The following RNF216 variants were observed in gnomAD, a reference collection of about 807,000 sequenced individuals.
The protein encoded by RNF216 is E3 ubiquitin-protein ligase RNF216.
Under a neutral mutation model 110.8 loss-of-function variants are expected in RNF216, and 72 were observed. The observed-to-expected ratio is 0.65, with a 90% CI of 0.54 to 0.79. The LOEUF is 0.79. RNF216 is among the 30% of genes least tolerant of loss of function. The pLI is 0.00. For missense variants in RNF216, 1,342 were observed against 1,141.2 expected (o/e 1.18, Z -2.54); for synonymous variants, 495 against 407.5 (o/e 1.21, Z -2.59).
intron 16 of RNF216, among the ~76,000 whole-genome samples, 188 bp from the exon 17 acceptor site, chr7:5,623,367 T>C (rs1173079376): frequency 6.6e-6 from 1 of 152,088 alleles, no homozygotes; most frequent in African/African-American, 2.4e-5. Context: ...ACCAGTGTCT[T>C]GCTCCACAGT....
intron 15 of RNF216, among the ~76,000 whole-genome samples, chr7:5,634,858 G>A (rs1306357629): frequency 1.3e-5 from 2 of 152,174 alleles, no homozygotes; most frequent in Admixed American, 6.5e-5. Flanking sequence ...CAGTGACATC[G>A]AAACCCTGTC....
intron 5 of RNF216, among the ~76,000 whole-genome samples, chr7:5,737,543 TAATA>T (rs1425904089): frequency 4.2e-5 from 4 of 94,360 alleles, no homozygotes; most frequent in Admixed American, 2.0e-4. Context: ...ATAATAATAA[TAATA>T]AATAAATAAA....
At chr7:5,770,320 G>T (rs1165064612) in intron 1 of RNF216, among the ~76,000 whole-genome samples, 1 of 151,980 alleles carries the variant, frequency 6.6e-6, no homozygotes, top group East Asian at 1.9e-4. Context: ...AATTCACCAG[G>T]CGTGGTGGCA....
chr7:5,675,298 C>A (rs1790209708), intron 13 of RNF216, among the ~76,000 whole-genome samples: 1 of 152,104 alleles, frequency 6.6e-6, no homozygotes, highest in Non-Finnish European at 1.5e-5. Context: ...ATTAGAAGCC[C>A]CAGAGGGGAC....
At chr7:5,777,569 A>G (rs950653257) in intron 1 of RNF216, 2 of 152,322 alleles carry the variant, frequency 1.3e-5, no homozygotes, top group African/African-American at 4.8e-5. Context: ...CATCAGGGCA[A>G]GAAGAAAGGA....
intron 13 of RNF216, among the ~76,000 whole-genome samples, chr7:5,656,446 G>A (rs1367959240): frequency 2.0e-5 from 3 of 152,166 alleles, no homozygotes; most frequent in African/African-American, 4.8e-5. Flanking sequence ...ACAGGGTATC[G>A]TGGCCATCGC....
chr7:5,650,647 C>T (rs1028946446), intron 14 of RNF216, among the ~76,000 whole-genome samples: 15 of 152,186 alleles, frequency 9.9e-5, no homozygotes, highest in Non-Finnish European at 1.9e-4. Flanking sequence ...CTCATGGCCA[C>T]CTTCATCCAT....
chr7:5,715,320 T>A, intron 10 of RNF216, 130 bp from the exon 11 acceptor site: 1 of 774,384 alleles, frequency 1.3e-6, no homozygotes, highest in Non-Finnish European at 2.1e-6. Flanking sequence ...TTAGGGGCCA[T>A]AAAACAATGA....
At chr7:5,774,577 G>A (rs546259814) in intron 1 of RNF216, among the ~76,000 whole-genome samples, 35 of 152,274 alleles carry the variant, frequency 2.3e-4, no homozygotes, top group Non-Finnish European at 3.5e-4. Flanking sequence ...CTGCGAAACA[G>A]AAAAATCAAA....
intron 9 of RNF216, among the ~76,000 whole-genome samples, chr7:5,719,826 A>G (rs1038196523): frequency 2.0e-5 from 3 of 152,228 alleles, no homozygotes; most frequent in African/African-American, 7.2e-5. Flanking sequence ...AAAGTGGCCA[A>G]TGCAGCTGCT....
chr7:5,745,627 C>T (rs766980488), intron 3 of RNF216, among the ~76,000 whole-genome samples: 7 of 151,952 alleles, frequency 4.6e-5, no homozygotes, highest in Non-Finnish European at 1.0e-4. Flanking sequence ...GGGCAGGGCA[C>T]GGTGGCTCAC....
In RNF216 at chr7:5,716,754, A is replaced by C. The variant is rs1793089254; in HGVS notation, c.1657T>G (p.Leu553Val). 1 of 1,607,472 alleles carries C rather than the reference A, an allele frequency of 6.2e-7. No individual in the cohort carries two copies. The highest frequency in any genetic ancestry group is 8.5e-7 in the Non-Finnish European group (1 of 1,176,458). Reference protein sequence around the residue: ...IKEMAEHEDFLLALQMNEEQY... With the variant: ...IKEMAEHEDFVLALQMNEEQY... ...TCTTCATTCATCTGTAGGGCAAGCAAAAAGTCTTCATGCTGAAGAACAAAA... is the reference window on the plus strand; with the variant it reads ...TCTTCATTCATCTGTAGGGCAAGCACAAAGTCTTCATGCTGAAGAACAAAA... Residue 553 changes from leucine to valine, a missense_variant, in exon 10 of 17, where the codon TTG becomes GTG. By Grantham distance (32) the Leu-to-Val change is conservative. Coordinates refer to ENST00000389902, the MANE Select transcript of RNF216 (RefSeq NM_207111.4).
At chr7:5,633,026 C>A (rs887948842) in intron 15 of RNF216, among the ~76,000 whole-genome samples, 6 of 151,970 alleles carry the variant, frequency 3.9e-5, no homozygotes, top group African/African-American at 9.6e-5. Flanking sequence ...ATCGCCCAGG[C>A]TGGAGTGCAG....
chr7:5,631,214 A>T (rs1356522508), intron 15 of RNF216, among the ~76,000 whole-genome samples: 3 of 152,102 alleles, frequency 2.0e-5, no homozygotes, highest in Non-Finnish European at 4.4e-5. Context: ...TTAGGGAACA[A>T]TCCTCCTTTT....
intron 13 of RNF216, among the ~76,000 whole-genome samples, chr7:5,683,072 A>G (rs1252914700): frequency 6.6e-6 from 1 of 152,146 alleles, no homozygotes; most frequent in Non-Finnish European, 1.5e-5. Context: ...AAAAACAAAA[A>G]ACAAAACCGC....
At chr7:5,677,208 T>C (rs572704702) in intron 13 of RNF216, among the ~76,000 whole-genome samples, 1 of 152,364 alleles carries the variant, frequency 6.6e-6, no homozygotes, top group Middle Eastern at 3.4e-3. Flanking sequence ...ACATGTGATT[T>C]AGAGACTGCT....
chr7:5,706,882 T>C (rs1338448091), intron 13 of RNF216, among the ~76,000 whole-genome samples: 1 of 152,238 alleles, frequency 6.6e-6, no homozygotes, highest in Non-Finnish European at 1.5e-5. Context: ...CGTTTTCTTC[T>C]AGTTTTTATA....
chr7:5,652,815 G>T (rs1166692184), intron 13 of RNF216, among the ~76,000 whole-genome samples: 3 of 152,096 alleles, frequency 2.0e-5, no homozygotes, highest in Admixed American at 6.5e-5. Context: ...AGAGTTGGGG[G>T]AGGAGAGGGG....
At chr7:5,641,089 T>C (rs902689226) in intron 15 of RNF216, 65 bp downstream of exon 15, 2 of 1,295,510 alleles carry the variant, frequency 1.5e-6, no homozygotes, top group South Asian at 1.3e-5. Flanking sequence ...ATTCAAAATA[T>C]TTGTCATAAA....
Sources: allele counts gnomAD v4.1 joint callset (sites outside exome capture counted in the v4.1 genomes callset), GRCh38; gene constraint gnomAD v4.1.1; transcripts MANE v1.5; gene names NCBI Gene and HGNC (gene_info 2026-07-23, HGNC 2026-07-21).